Variants in AKAP6 observed in about 807,000 individuals in gnomAD.
AKAP6 encodes A-kinase anchor protein 6.
A neutral mutation model predicts 188.5 loss-of-function variants in AKAP6; 58 were observed. The observed-to-expected ratio is 0.31, with a 90% CI of 0.25 to 0.38. The LOEUF (loss-of-function observed/expected upper bound fraction) is 0.38, where lower values mean the gene tolerates loss of function less well. Ranked by LOEUF, AKAP6 falls within the 10% of genes least tolerant of loss-of-function variation. The pLI is 1.00. For synonymous variants in AKAP6, 989 were observed against 998.6 expected (o/e 0.99, Z 0.18); for missense variants, 2,710 against 2,740.0 (o/e 0.99, Z 0.24).
chr14:32,737,145 A>G (rs954775722), intron 11 of AKAP6, among the ~76,000 whole-genome samples: 9 of 152,166 alleles, frequency 5.9e-5, no homozygotes, highest in African/African-American at 2.2e-4. Flanking sequence ...TTTTGAGATT[A>G]TGGAGCCCTG....
intron 10 of AKAP6, among the ~76,000 whole-genome samples, chr14:32,735,209 C>T (rs1335632525): frequency 6.6e-6 from 1 of 152,156 alleles, no homozygotes; most frequent in East Asian, 1.9e-4. Flanking sequence ...TTGATCTACT[C>T]TTGGCCTCTT....
intron 4 of AKAP6, among the ~76,000 whole-genome samples, chr14:32,561,624 C>T (rs945484227): frequency 4.6e-5 from 7 of 152,142 alleles, no homozygotes; most frequent in African/African-American, 1.7e-4. Context: ...GTGACATTAA[C>T]GAGCCTGGAG....
At chr14:32,590,506 A>G (rs1455885013) in intron 5 of AKAP6, among the ~76,000 whole-genome samples, 1 of 152,170 alleles carries the variant, frequency 6.6e-6, no homozygotes, top group Non-Finnish European at 1.5e-5. Flanking sequence ...ATGAATGAAC[A>G]TTTATAAAAG....
chr14:32,508,870 G>C (rs1488382199), intron 2 of AKAP6, among the ~76,000 whole-genome samples: 1 of 151,262 alleles, frequency 6.6e-6, no homozygotes, highest in African/African-American at 2.4e-5. Flanking sequence ...TCTGTTGCCA[G>C]GCTGGAGTGC....
Position 32,343,991 on chromosome 14 carries a change from G to A in AKAP6, c.-35+14583G>A, listed in dbSNP as rs572595426. Among the ~76,000 whole-genome samples, 100 of 152,138 alleles carry A rather than the reference G, an allele frequency of 6.6e-4. 1 individual carries two copies. The highest frequency in any genetic ancestry group is 7.9e-4 in the Non-Finnish European group (54 of 68,028). Reference sequence around the variant, plus strand: ...CATATACTCTGAGGTTGTTTCACATGTGTAAGTCTGTCTCCTCAAGCAATT... The same window carrying A: ...CATATACTCTGAGGTTGTTTCACATATGTAAGTCTGTCTCCTCAAGCAATT... On this transcript the variant is annotated intron_variant, in intron 1 of 13. Transcript: ENST00000280979.
At chr14:32,412,960 A>G (rs1889535468) in intron 1 of AKAP6, among the ~76,000 whole-genome samples, 2 of 152,262 alleles carry the variant, frequency 1.3e-5, no homozygotes, top group Non-Finnish European at 2.9e-5. Context: ...CACTGTAAAC[A>G]AGATAATCAA....
intron 11 of AKAP6, among the ~76,000 whole-genome samples, chr14:32,755,631 G>T (rs1217777079): frequency 6.6e-6 from 1 of 151,888 alleles, no homozygotes; most frequent in Non-Finnish European, 1.5e-5. Flanking sequence ...GGGCTCAAGG[G>T]TTCCCTCCAC....
intron 9 of AKAP6, among the ~76,000 whole-genome samples, chr14:32,717,325 A>G (rs946410591): frequency 2.6e-5 from 4 of 152,230 alleles, no homozygotes; most frequent in East Asian, 1.9e-4. Context: ...TGTTTAAGTC[A>G]TCAACATCAT....
intron 7 of AKAP6, among the ~76,000 whole-genome samples, chr14:32,668,594 A>C (rs555310912): frequency 1.3e-5 from 2 of 152,296 alleles, no homozygotes; most frequent in East Asian, 3.9e-4. Flanking sequence ...ACAACAGGTC[A>C]ATAGAAATAA....
intron 13 of AKAP6, among the ~76,000 whole-genome samples, chr14:32,829,009 A>G (rs2034755246): frequency 6.6e-6 from 1 of 152,162 alleles, no homozygotes; most frequent in Non-Finnish European, 1.5e-5. Context: ...AGAAATCAGA[A>G]CTCAGTTTAA....
chr14:32,615,658 C>T (rs8005608), intron 7 of AKAP6, among the ~76,000 whole-genome samples: 336 of 144,092 alleles, frequency 2.3e-3, no homozygotes, highest in African/African-American at 8.7e-3. Flanking sequence ...TGCAGTGGCA[C>T]GATATCTGCT....
intron 2 of AKAP6, among the ~76,000 whole-genome samples, chr14:32,437,313 C>T (rs1261298925): frequency 6.6e-6 from 1 of 151,988 alleles, no homozygotes; most frequent in African/African-American, 2.4e-5. Flanking sequence ...TGATGAGGGG[C>T]AAGCACAAAA....
Position 32,360,133 on chromosome 14 carries a change from CTTTTTTT to C in AKAP6, c.-35+30730_-35+30736del, listed in dbSNP as rs35632131. ...TGCAGTTATCCTCTTTTTCTTTTTT[CTTTTTTT>C]TTTTCGAGACAGGGGCTTGCTCTGT... On this transcript the variant is annotated intron_variant, in intron 1 of 13. Transcript: ENST00000280979. 2.3e-5 allele frequency among the ~76,000 whole-genome samples: 3 copies of C among 128,922 alleles called. No individual in the cohort carries two copies. In the East Asian group the frequency reaches 5.9e-4, roughly 26 times the overall value. The allele number at this position is 128,922 out of a possible 152,430, so 84.6% of individuals were successfully genotyped here. A position where few individuals can be genotyped will look rare whatever the true frequency, so the allele number is the denominator to read the frequency against.
intron 5 of AKAP6, 143 bp from the exon 6 acceptor site, chr14:32,599,267 A>G (rs1207596721): frequency 1.6e-5 from 10 of 609,844 alleles, no homozygotes; most frequent in Non-Finnish European, 2.5e-5. Flanking sequence ...CCAAATATCA[A>G]TAGCTTTTAG....
intron 1 of AKAP6, among the ~76,000 whole-genome samples, chr14:32,423,440 A>C (rs1945781408): frequency 6.6e-6 from 1 of 152,102 alleles, no homozygotes; most frequent in African/African-American, 2.4e-5. Flanking sequence ...TCATCTCCTG[A>C]AGTGCTGGGA....
chr14:32,740,610 A>G (rs2031628509), intron 11 of AKAP6, among the ~76,000 whole-genome samples: 1 of 152,016 alleles, frequency 6.6e-6, no homozygotes, highest in Non-Finnish European at 1.5e-5. Flanking sequence ...TTTTCCCAGC[A>G]CCATTTATTG....
chr14:32,622,347 T>C (rs1294007631), intron 7 of AKAP6, among the ~76,000 whole-genome samples: 1 of 152,158 alleles, frequency 6.6e-6, no homozygotes, highest in Non-Finnish European at 1.5e-5. Context: ...TAATGTTTTT[T>C]TCAAGACCAA....
intron 1 of AKAP6, among the ~76,000 whole-genome samples, chr14:32,423,817 AAGT>A (rs1219303581): frequency 6.6e-6 from 1 of 152,188 alleles, no homozygotes; most frequent in Non-Finnish European, 1.5e-5. Flanking sequence ...ACAAGAAAAA[AAGT>A]AGAAACATTG....
At chr14:32,649,141 A>G (rs778769381) in intron 7 of AKAP6, among the ~76,000 whole-genome samples, 17 of 152,152 alleles carry the variant, frequency 1.1e-4, no homozygotes, top group Admixed American at 3.9e-4. Context: ...CTAAATAAAC[A>G]TTCCTAAAAC....
Sources: gnomAD v4.1 joint callset for allele counts (sites outside exome capture counted in the v4.1 genomes callset) on GRCh38, gnomAD v4.1.1 for gene constraint, MANE v1.5 for transcripts, NCBI Gene and HGNC (gene_info 2026-07-23, HGNC 2026-07-21) for gene names.